MACROD2: variants seen among roughly 807,000 people sequenced by gnomAD.
The protein encoded by MACROD2 is mono-ADP ribosylhydrolase 2.
In MACROD2, 36 loss-of-function variants were observed where a neutral mutation model predicts 70.4. The ratio of observed to expected loss-of-function variants is 0.51; its 90% CI spans 0.39 to 0.68. The LOEUF (loss-of-function observed/expected upper bound fraction) is 0.68, where lower values mean the gene tolerates loss of function less well. Among genes scored for constraint, MACROD2 ranks in the 30% least tolerant of loss-of-function variants. The pLI is 0.00. For synonymous variants in MACROD2, 172 were observed against 178.8 expected, an observed-to-expected ratio of 0.96 and a Z score of 0.30; for missense variants, 496 against 538.4, an observed-to-expected ratio of 0.92 and a Z score of 0.78.
At chr20:14,081,888 G>A (rs989197926) in intron 2 of MACROD2, among the ~76,000 whole-genome samples, 3 of 151,932 alleles carry the variant, frequency 2.0e-5, no homozygotes, top group Non-Finnish European at 4.4e-5. Flanking sequence ...TGACTGTTGA[G>A]GAAAAAAGAG....
intron 8 of MACROD2, among the ~76,000 whole-genome samples, chr20:15,646,902 G>C (rs2049555392): frequency 6.6e-6 from 1 of 152,202 alleles, no homozygotes; most frequent in African/African-American, 2.4e-5. Context: ...CTTTACAGTA[G>C]CGTGAAAACG....
At chr20:14,251,742 A>G (rs1246436178) in intron 3 of MACROD2, among the ~76,000 whole-genome samples, 1 of 152,120 alleles carries the variant, frequency 6.6e-6, no homozygotes, top group Non-Finnish European at 1.5e-5. Flanking sequence ...ATGTTTGTCT[A>G]TGCAATGACA....
chr20:14,783,343 T>C (rs1352639052), intron 5 of MACROD2, among the ~76,000 whole-genome samples: 1 of 152,138 alleles, frequency 6.6e-6, no homozygotes, highest in African/African-American at 2.4e-5. Flanking sequence ...CCTTAAGAAA[T>C]TAATATGCTG....
intron 8 of MACROD2, among the ~76,000 whole-genome samples, chr20:15,542,421 G>A (rs1222846949): frequency 6.6e-6 from 1 of 152,156 alleles, no homozygotes; most frequent in Non-Finnish European, 1.5e-5. Context: ...TGTACTTCAT[G>A]AATCTATTAA....
At chr20:15,915,708 C>T (rs2065304594) in intron 10 of MACROD2, among the ~76,000 whole-genome samples, 2 of 152,130 alleles carry the variant, frequency 1.3e-5, no homozygotes, top group African/African-American at 4.8e-5. Flanking sequence ...TGGGATGCTT[C>T]CTGCTGGCAG....
At chr20:14,059,746 T>C (rs1039351239) in intron 2 of MACROD2, among the ~76,000 whole-genome samples, 2 of 152,184 alleles carry the variant, frequency 1.3e-5, no homozygotes, top group Non-Finnish European at 2.9e-5. Context: ...GATTTTTGCT[T>C]TCAAAGTATT....
intron 5 of MACROD2, among the ~76,000 whole-genome samples, chr20:14,984,439 T>G (rs1269912318): frequency 1.3e-5 from 2 of 152,224 alleles, no homozygotes; most frequent in Non-Finnish European, 2.9e-5. Context: ...CAGGATGTGC[T>G]TAGTCAGTTA....
At chr20:15,058,837 C>T (rs1479058682) in intron 5 of MACROD2, among the ~76,000 whole-genome samples, 1 of 152,116 alleles carries the variant, frequency 6.6e-6, no homozygotes, top group Non-Finnish European at 1.5e-5. Flanking sequence ...TCAGTACCTA[C>T]ATGTGAGAGA....
At chr20:15,235,781 AG>A (rs1241853943) in intron 6 of MACROD2, among the ~76,000 whole-genome samples, 2 of 152,210 alleles carry the variant, frequency 1.3e-5, no homozygotes, top group Non-Finnish European at 2.9e-5. Flanking sequence ...AGCCTTAAAA[AG>A]CTGACCCTTT....
intron 3 of MACROD2, among the ~76,000 whole-genome samples, chr20:14,451,595 T>G (rs2084245663): frequency 6.6e-6 from 1 of 152,170 alleles, no homozygotes; most frequent in Non-Finnish European, 1.5e-5. Context: ...CTTATTCGCC[T>G]TCTTCCACCA....
At chr20:15,710,480 C>T (rs2423971) in intron 8 of MACROD2, among the ~76,000 whole-genome samples, 65,444 of 151,940 alleles carry the variant, frequency 0.43, 15,523 homozygotes, top group Middle Eastern at 0.58. Flanking sequence ...ACTTTATCTA[C>T]GGCATTTTTT....
chr20:14,700,465 C>T (rs1264616102), intron 5 of MACROD2, among the ~76,000 whole-genome samples: 1 of 151,468 alleles, frequency 6.6e-6, no homozygotes, highest in African/African-American at 2.4e-5. Context: ...CTCAACTATT[C>T]AGTTATGCTT....
At chr20:15,402,597 T>C (rs2045945737) in intron 6 of MACROD2, among the ~76,000 whole-genome samples, 1 of 152,188 alleles carries the variant, frequency 6.6e-6, no homozygotes, top group African/African-American at 2.4e-5. Context: ...AGAGTGAATA[T>C]GTGAGCCGCC....
chr20:15,810,561 G>T (rs13039564), intron 8 of MACROD2, among the ~76,000 whole-genome samples: 32,920 of 151,970 alleles, frequency 0.22, 3,595 homozygotes, highest in African/African-American at 0.23. Context: ...ACCAATGACT[G>T]TCTTCACAGA....
intron 8 of MACROD2, among the ~76,000 whole-genome samples, chr20:15,720,179 TTTC>T (rs1321893680): frequency 1.3e-5 from 2 of 152,220 alleles, no homozygotes; most frequent in Admixed American, 1.3e-4. Flanking sequence ...TTTACCACAT[TTTC>T]TTTATTCATT....
rs1245019327 is a variant in MACROD2, at chr20:14,304,927, C to A, written c.272-188552C>A. ...CTCTGGGACTTTGCGCTTGTGATTA[C>A]CTCTGTCTAATGCTCTTCCACTAGT... On this transcript the variant is annotated intron_variant, in intron 3 of 17. Transcript: ENST00000684519. Among the ~76,000 whole-genome samples, 7 of 152,214 alleles carry A rather than the reference C, an allele frequency of 4.6e-5. No homozygotes were observed. In the South Asian group the frequency reaches 1.5e-3, roughly 32 times the overall value.
chr20:15,345,288 G>T (rs1365519432), intron 6 of MACROD2, among the ~76,000 whole-genome samples: 2 of 152,090 alleles, frequency 1.3e-5, no homozygotes, highest in African/African-American at 4.8e-5. Flanking sequence ...TTTAATATGG[G>T]TTTACTATAC....
chr20:15,205,371 C>T (rs548353410), intron 5 of MACROD2, among the ~76,000 whole-genome samples: 21 of 150,900 alleles, frequency 1.4e-4, no homozygotes, highest in Admixed American at 1.1e-3. Flanking sequence ...AACTAAATCA[C>T]ACTTCAGGGG....
intron 10 of MACROD2, among the ~76,000 whole-genome samples, chr20:15,887,992 G>A (rs766192367): frequency 6.6e-6 from 1 of 152,070 alleles, no homozygotes; most frequent in Non-Finnish European, 1.5e-5. Flanking sequence ...GGAGGTCCCC[G>A]ATAGAACTGA....
Sources: gnomAD v4.1 joint callset for allele counts (sites outside exome capture counted in the v4.1 genomes callset) on GRCh38, gnomAD v4.1.1 for gene constraint, MANE v1.5 for transcripts, NCBI Gene and HGNC (gene_info 2026-07-23, HGNC 2026-07-21) for gene names.